Variants in AP3S1 observed in about 807,000 individuals in gnomAD.
The protein encoded by AP3S1 is AP-3 complex subunit sigma-1.
A neutral mutation model predicts 21.3 loss-of-function variants in AP3S1; 12 were observed. The ratio of observed to expected loss-of-function variants is 0.56; its 90% CI spans 0.36 to 0.91. The LOEUF (loss-of-function observed/expected upper bound fraction) is 0.91, where lower values mean the gene tolerates loss of function less well. AP3S1 is among the 40% of genes least tolerant of loss of function. AP3S1 has a pLI of 0.01. For missense variants in AP3S1, 116 were observed against 225.0 expected (o/e 0.52, Z 3.10); for synonymous variants, 48 against 78.4 (o/e 0.61, Z 2.05).
In AP3S1 at chr5:115,868,047, A is replaced by G. The variant is rs539105356; in HGVS notation, c.161+1286A>G. ...TTCTCAGGCCTCAGTTTTCTCCTCT[A>G]TAAAATGAGTTATTTGGACTAACAG... On this transcript the variant is annotated intron_variant, in intron 2 of 5. Coordinates refer to ENST00000316788, the MANE Select transcript of AP3S1 (RefSeq NM_001284.4). 3.3e-5 allele frequency among the ~76,000 whole-genome samples: 5 copies of G among 152,310 alleles called. No homozygotes were observed. In the South Asian group the frequency reaches 1.0e-3, roughly 32 times the overall value.
At chr5:115,853,558 G>T (rs1762595428) in intron 1 of AP3S1, among the ~76,000 whole-genome samples, 1 of 152,094 alleles carries the variant, frequency 6.6e-6, no homozygotes, top group Admixed American at 6.6e-5. Context: ...TCAAAATCTT[G>T]TAACTGTGTT....
chr5:115,870,580 T>A (rs1748143068), intron 3 of AP3S1, among the ~76,000 whole-genome samples: 1 of 152,222 alleles, frequency 6.6e-6, no homozygotes, highest in African/African-American at 2.4e-5. Context: ...CGTGCAACCC[T>A]TTGAAGTAGT....
chr5:115,869,285 G>T (rs1308453606), intron 2 of AP3S1, among the ~76,000 whole-genome samples: 1 of 152,126 alleles, frequency 6.6e-6, no homozygotes, highest in African/African-American at 2.4e-5. Context: ...TTTTGGAAGA[G>T]ATCTTGACGG....
At chr5:115,868,317 A>G (rs1279701923) in intron 2 of AP3S1, among the ~76,000 whole-genome samples, 2 of 152,208 alleles carry the variant, frequency 1.3e-5, no homozygotes, top group African/African-American at 4.8e-5. Flanking sequence ...CTGATTCAGA[A>G]TGGAGTAAAG....
chr5:115,852,873 A>G (rs1462888189), intron 1 of AP3S1: 1 of 325,930 alleles, frequency 3.1e-6, no homozygotes, highest in African/African-American at 2.2e-5. Flanking sequence ...CCATTTATCA[A>G]TTGATGGACA....
At chr5:115,873,581 C>T (rs1179338735) in intron 3 of AP3S1, among the ~76,000 whole-genome samples, 3 of 152,104 alleles carry the variant, frequency 2.0e-5, no homozygotes, top group Non-Finnish European at 4.4e-5. Flanking sequence ...CTTCAATTAC[C>T]ACAGTTCATT....
At chr5:115,842,136 G>C in intron 1 of AP3S1, 30 bp downstream of exon 1, 1 of 1,532,586 alleles carries the variant, frequency 6.5e-7, no homozygotes, top group East Asian at 2.6e-5. Context: ...TGATCCGGGC[G>C]AGGGGGAGTC....
At chr5:115,842,203 T>C in intron 1 of AP3S1, 97 bp downstream of exon 1, 1 of 1,459,008 alleles carries the variant, frequency 6.9e-7, no homozygotes, top group Non-Finnish European at 9.1e-7. Flanking sequence ...TCCGGCGCGC[T>C]GCGGCCCTTG....
At chr5:115,901,357 G>A (rs577280908) in intron 4 of AP3S1, among the ~76,000 whole-genome samples, 3 of 144,120 alleles carry the variant, frequency 2.1e-5, no homozygotes, top group Admixed American at 2.1e-4. Flanking sequence ...TCATACATAA[G>A]TTTCTGTATG....
Position 115,855,155 on chromosome 5 carries a change from G to A in AP3S1, c.70-11515G>A, listed in dbSNP as rs192745229. On this transcript the variant is annotated intron_variant, in intron 1 of 5. Coordinates refer to ENST00000316788, the MANE Select transcript of AP3S1 (RefSeq NM_001284.4). Reference sequence around the variant, plus strand: ...GGGTTCAAGCGATTCTCCTGCCTCAGCCTCCTGAGTAGCTGGGACTACAGG... The same window carrying A: ...GGGTTCAAGCGATTCTCCTGCCTCAACCTCCTGAGTAGCTGGGACTACAGG... 5.3e-4 allele frequency among the ~76,000 whole-genome samples: 81 copies of A among 152,026 alleles called. 2 individuals carry two copies. In the East Asian group the frequency reaches 0.014, roughly 27 times the overall value.
chr5:115,892,671 G>A (rs1750415434), intron 3 of AP3S1, among the ~76,000 whole-genome samples: 1 of 152,070 alleles, frequency 6.6e-6, no homozygotes, highest in African/African-American at 2.4e-5. Context: ...GGTAGTGGAG[G>A]GTTGGAGAAA....
Position 115,879,537 on chromosome 5 carries a change from A to G in AP3S1, c.273+9409A>G, listed in dbSNP as rs375109609. On this transcript the variant is annotated intron_variant, in intron 3 of 5. Transcript: ENST00000316788. ...GTATGTTAAACCAGCCTTGCATCCC[A>G]GGGATGAAGCCGACTTGATTGTGTT... Among the ~76,000 whole-genome samples, 31 of 152,272 alleles carry G rather than the reference A, an allele frequency of 2.0e-4. No individual in the cohort carries two copies. The South Asian group carries it at 5.0e-3, about 24-fold the overall frequency.
At position 115,849,867 on chromosome 5, in the gene AP3S1, G is replaced by A. The variant is rs6873211; in HGVS notation, c.69+7761G>A. 6.1e-3 allele frequency among the ~76,000 whole-genome samples: 927 copies of A among 151,882 alleles called. 9 individuals carry two copies. Among genetic ancestry groups the A allele is most frequent in the African/African-American group, 0.021 (884 of 41,410 alleles). ...GAGCCCAGGAGTTGAGGCTATGCTA[G>A]GCAACCATAGCAGGGCCCCTGTCTT... On this transcript the variant is annotated intron_variant, in intron 1 of 5. Coordinates refer to ENST00000316788, the MANE Select transcript of AP3S1 (RefSeq NM_001284.4).
intron 3 of AP3S1, among the ~76,000 whole-genome samples, chr5:115,893,395 G>A (rs1750485657): frequency 6.6e-6 from 1 of 152,152 alleles, no homozygotes; most frequent in South Asian, 2.1e-4. Context: ...TCGTACCCCA[G>A]CAGGCATGAA....
At chr5:115,908,884 C>T (rs1751872875) in intron 5 of AP3S1, 1 of 638,230 alleles carries the variant, frequency 1.6e-6, no homozygotes, top group African/African-American at 2.0e-5. Flanking sequence ...CAAAAACATG[C>T]TTTCAAAATC....
At chr5:115,846,476 A>AT (rs1561467089) in intron 1 of AP3S1, among the ~76,000 whole-genome samples, 1 of 152,120 alleles carries the variant, frequency 6.6e-6, no homozygotes, top group South Asian at 2.1e-4. Flanking sequence ...AGTTGCCTCA[A>AT]TTTTTTTAAT....
intron 5 of AP3S1, among the ~76,000 whole-genome samples, chr5:115,905,120 A>G (rs1323768927): frequency 6.6e-6 from 1 of 150,634 alleles, no homozygotes; most frequent in East Asian, 1.9e-4. Context: ...TTTTTCACAA[A>G]AAAAAGTTTG....
At chr5:115,845,135 A>G (rs1212816416) in intron 1 of AP3S1, among the ~76,000 whole-genome samples, 1 of 152,202 alleles carries the variant, frequency 6.6e-6, no homozygotes, top group African/African-American at 2.4e-5. Context: ...TTCTGTTTTA[A>G]GGGGTCTCTA....
chr5:115,904,454 C>T (rs1751476497), intron 5 of AP3S1, among the ~76,000 whole-genome samples: 1 of 152,158 alleles, frequency 6.6e-6, no homozygotes, highest in Non-Finnish European at 1.5e-5. Context: ...CCAGTGTTCT[C>T]TTTTAAATTT....
Sources: allele counts gnomAD v4.1 joint callset (sites outside exome capture counted in the v4.1 genomes callset), GRCh38; gene constraint gnomAD v4.1.1; transcripts MANE v1.5; gene names NCBI Gene and HGNC (gene_info 2026-07-23, HGNC 2026-07-21).